The following ASTN2 variants were observed in gnomAD, a reference collection of about 807,000 sequenced individuals.
ASTN2 encodes astrotactin-2.
In ASTN2, 54 loss-of-function variants were observed where a neutral mutation model predicts 139.8. The observed-to-expected ratio is 0.39, with a 90% CI of 0.31 to 0.48. ASTN2 has a LOEUF of 0.48. Ranked by LOEUF, ASTN2 falls within the 20% of genes least tolerant of loss-of-function variation. The probability of loss-of-function intolerance (pLI) is 0.95; values close to 1 mark genes in which losing one functional copy is unlikely to be tolerated. For missense variants in ASTN2, 1,565 were observed against 1,725.1 expected, an observed-to-expected ratio of 0.91 and a Z score of 1.64; for synonymous variants, 756 against 719.5, an observed-to-expected ratio of 1.05 and a Z score of -0.81.
At chr9:117,274,519 C>G (rs1047208604) in intron 2 of ASTN2, among the ~76,000 whole-genome samples, 5 of 152,204 alleles carry the variant, frequency 3.3e-5, no homozygotes, top group African/African-American at 1.2e-4. Flanking sequence ...CAGGCACTCT[C>G]CTGTGCATTG....
chr9:117,056,748 G>A (rs2132677038), intron 5 of ASTN2, among the ~76,000 whole-genome samples: 1 of 152,300 alleles, frequency 6.6e-6, no homozygotes. Context: ...AAAGGCTTGT[G>A]AGCTCTACAA....
At chr9:117,269,360 T>C (rs899940687) in intron 2 of ASTN2, among the ~76,000 whole-genome samples, 10 of 152,194 alleles carry the variant, frequency 6.6e-5, no homozygotes, top group African/African-American at 2.4e-4. Flanking sequence ...TTTCCCCCAA[T>C]GCATTTCCCC....
intron 6 of ASTN2, among the ~76,000 whole-genome samples, chr9:117,039,195 C>G (rs911081158): frequency 6.6e-6 from 1 of 152,082 alleles, no homozygotes; most frequent in Admixed American, 6.6e-5. Flanking sequence ...TAAAAGTAGT[C>G]TTTACTGGAT....
At chr9:117,187,904 T>C (rs1241514351) in intron 3 of ASTN2, among the ~76,000 whole-genome samples, 2 of 152,188 alleles carry the variant, frequency 1.3e-5, no homozygotes, top group Non-Finnish European at 2.9e-5. Flanking sequence ...TTTATAATTG[T>C]TTGTTCCTCC....
chr9:116,779,301 T>C (rs1224521943), intron 13 of ASTN2, among the ~76,000 whole-genome samples: 1 of 152,126 alleles, frequency 6.6e-6, no homozygotes, highest in Non-Finnish European at 1.5e-5. Flanking sequence ...GGTCCCTTTT[T>C]TCCCCTTCTG....
At chr9:116,668,207 T>C (rs1248257859) in intron 16 of ASTN2, among the ~76,000 whole-genome samples, 3 of 151,784 alleles carry the variant, frequency 2.0e-5, no homozygotes, top group African/African-American at 4.8e-5. Context: ...TTTTTTTTTT[T>C]TTTTGAGACA....
chr9:116,435,200 AC>A (rs1847613479), intron 22 of ASTN2, among the ~76,000 whole-genome samples: 2 of 152,148 alleles, frequency 1.3e-5, no homozygotes, highest in Admixed American at 6.5e-5. Flanking sequence ...CTTTCATGTT[AC>A]AAACAAGGTC....
At chr9:116,924,828 C>G (rs1588415655) in intron 10 of ASTN2, among the ~76,000 whole-genome samples, 2 of 152,304 alleles carry the variant, frequency 1.3e-5, no homozygotes. Flanking sequence ...TGACCTGGAT[C>G]TTGTGCTGAC....
At chr9:116,905,516 G>C (rs973389064) in intron 10 of ASTN2, among the ~76,000 whole-genome samples, 1 of 152,048 alleles carries the variant, frequency 6.6e-6, no homozygotes, top group Non-Finnish European at 1.5e-5. Context: ...AGACCAGGTC[G>C]GTCTCCTTCA....
At chr9:116,485,792 G>A (rs1588104742) in intron 20 of ASTN2, among the ~76,000 whole-genome samples, 1 of 152,222 alleles carries the variant, frequency 6.6e-6, no homozygotes, top group East Asian at 1.9e-4. Flanking sequence ...ATAGTCAGTT[G>A]CAGAGCCAGG....
At chr9:117,207,676 T>G (rs1215809395) in intron 3 of ASTN2, among the ~76,000 whole-genome samples, 1 of 152,208 alleles carries the variant, frequency 6.6e-6, no homozygotes, top group Non-Finnish European at 1.5e-5. Context: ...GAGCAGCTCC[T>G]GGCAGGTACG....
chr9:116,687,144 A>G (rs1421439244), intron 16 of ASTN2: 2 of 1,080,566 alleles, frequency 1.9e-6, no homozygotes, highest in Non-Finnish European at 2.3e-6. Flanking sequence ...AAACTGGATT[A>G]CGTGTCGCTA....
intron 1 of ASTN2, among the ~76,000 whole-genome samples, chr9:117,351,809 G>A (rs1829399495): frequency 6.6e-6 from 1 of 152,204 alleles, no homozygotes; most frequent in Middle Eastern, 3.4e-3. Flanking sequence ...TTTGGATGGG[G>A]GGTGCTATAG....
Position 117,024,882 on chromosome 9 carries a change from T to C in ASTN2, c.1423+14937A>G, listed in dbSNP as rs1004690037. Among the ~76,000 whole-genome samples, 4 of 152,078 alleles carry C rather than the reference T, an allele frequency of 2.6e-5. No individual in the cohort carries two copies. In the South Asian group the frequency reaches 6.2e-4, roughly 24 times the overall value. ...ATTGAATTATGGGCAGTTTCCCCCA[T>C]ACTGTTCTCATGGTAGTGAATAAGT... On this transcript the variant is annotated intron_variant, in intron 6 of 22. Coordinates refer to ENST00000313400, the MANE Select transcript of ASTN2 (RefSeq NM_001365068.1).
At chr9:117,081,878 C>A (rs879571937) in intron 5 of ASTN2, among the ~76,000 whole-genome samples, 15 of 152,308 alleles carry the variant, frequency 9.8e-5, no homozygotes, top group Admixed American at 9.8e-4. Flanking sequence ...ATGAATTCTG[C>A]CAACAACCAC....
chr9:117,121,435 T>A (rs1451830038), intron 4 of ASTN2, among the ~76,000 whole-genome samples: 1 of 152,188 alleles, frequency 6.6e-6, no homozygotes, highest in Non-Finnish European at 1.5e-5. Context: ...ATCTCACAGC[T>A]CACACCTCCA....
At chr9:117,373,865 T>C (rs914691380) in intron 1 of ASTN2, among the ~76,000 whole-genome samples, 6 of 152,210 alleles carry the variant, frequency 3.9e-5, no homozygotes, top group Non-Finnish European at 7.3e-5. Flanking sequence ...AATTAGCAGG[T>C]TGGACAGCAC....
chr9:117,348,556 G>A (rs544450859), intron 1 of ASTN2, among the ~76,000 whole-genome samples: 13 of 152,100 alleles, frequency 8.5e-5, no homozygotes, highest in Non-Finnish European at 1.6e-4. Flanking sequence ...GTTGCTCGGA[G>A]CCTATTTACT....
intron 19 of ASTN2, among the ~76,000 whole-genome samples, chr9:116,542,739 A>T (rs1014989366): frequency 1.3e-5 from 2 of 152,066 alleles, no homozygotes; most frequent in African/African-American, 2.4e-5. Flanking sequence ...CCTGGGCAAC[A>T]TGGAGAAGCC....
Sources: gnomAD v4.1 joint callset for allele counts (sites outside exome capture counted in the v4.1 genomes callset) on GRCh38, gnomAD v4.1.1 for gene constraint, MANE v1.5 for transcripts, NCBI Gene and HGNC (gene_info 2026-07-23, HGNC 2026-07-21) for gene names.